The following RNF181 variants were observed in gnomAD, a reference collection of about 807,000 sequenced individuals.
RNF181 encodes E3 ubiquitin-protein ligase RNF181.
RNF181 carries 25 observed loss-of-function variants against 23.3 expected under a neutral mutation model. That is an observed-to-expected ratio of 1.07 (90% CI 0.78 to 1.50). The LOEUF is 1.50. Ranked by LOEUF, RNF181 falls within the 40% of genes most tolerant of loss-of-function variation. The pLI, the probability that RNF181 is intolerant of heterozygous loss-of-function variation, is 0.00. For synonymous variants in RNF181, 62 were observed against 70.9 expected (o/e 0.87, Z 0.63); for missense variants, 167 against 191.1 (o/e 0.87, Z 0.74).
chr2:85,597,068 C>T, intron 3 of RNF181, 36 bp from the exon 4 acceptor site: 1 of 1,614,152 alleles, frequency 6.2e-7, no homozygotes. Flanking sequence ...TTATGAAGAT[C>T]AGACCAAGGC....
chr2:85,597,574 T>C lies in RNF181; in HGVS notation c.*70T>C. Reference sequence around the variant, plus strand: ...CCTTGAATCCTCATTAAAGGTTTCTTTACCCACCCTGAGGCTGTATTGATC... The same window carrying C: ...CCTTGAATCCTCATTAAAGGTTTCTCTACCCACCCTGAGGCTGTATTGATC... On this transcript the variant is annotated 3_prime_UTR_variant, in exon 5 of 5. Transcript: ENST00000306368. The C allele has an allele frequency of 6.2e-7, 1 of 1,601,156 alleles. No homozygotes were observed. Among genetic ancestry groups the C allele is most frequent in the Non-Finnish European group, 8.5e-7 (1 of 1,174,206 alleles).
In RNF181 at chr2:85,597,175, T is replaced by C; in HGVS notation, c.399T>C (p.Asp133=). The stretch of plus-strand genomic sequence containing the variant: ...ACACTTATGAGGAGCACAGACGAGA[T>C]AAGGTAGGGGCTGATGCTTAAGTGG... The part of the protein sequence containing the change: ...DDDTYEEHRR[D]KARKQQQQHR... The change falls in exon 4 of 5, where the codon GAT becomes GAC. Residue 133 remains aspartate, a synonymous_variant. Transcript: ENST00000306368. 6.2e-7 allele frequency: 1 copy of C among 1,612,708 alleles called. No individual in the cohort carries two copies. Among genetic ancestry groups the C allele is most frequent in the Non-Finnish European group, 8.5e-7 (1 of 1,179,136 alleles).
Position 85,596,804 on chromosome 2 carries a change from C to G in RNF181, c.218-18C>G. 6.2e-7 allele frequency: 1 copy of G among 1,612,168 alleles called. No homozygotes were observed. Among genetic ancestry groups the G allele is most frequent in the Non-Finnish European group, 8.5e-7 (1 of 1,178,686 alleles). On this transcript the variant is annotated intron_variant, in intron 2 of 4. Transcript: ENST00000306368. ...CAGAGCCTGTAGCAGCTCTCCTGAT[C>G]AGCACTCCTTCCTAAAGAGCTCAAG...
At chr2:85,596,966 C>G in intron 3 of RNF181, 35 bp downstream of exon 3, 1 of 1,614,124 alleles carries the variant, frequency 6.2e-7, no homozygotes, top group Non-Finnish European at 8.5e-7. Flanking sequence ...TCACCGTGCC[C>G]TGGGCCCAGT....
intron 3 of RNF181, 57 bp downstream of exon 3, chr2:85,596,988 T>G: frequency 6.2e-7 from 1 of 1,614,100 alleles, no homozygotes; most frequent in Non-Finnish European, 8.5e-7. Flanking sequence ...CTCAAGCTTC[T>G]TTCTGTTCAT....
In RNF181 at chr2:85,596,833, C is replaced by T. The variant is rs1342704126; in HGVS notation, c.229C>T (p.Pro77Ser). The T allele has an allele frequency of 6.2e-7, 1 of 1,614,068 alleles. No individual in the cohort carries two copies. Among genetic ancestry groups the T allele is most frequent in the African/African-American group, 1.3e-5 (1 of 74,912 alleles). ...ACTCCTTCCTAAAGAGCTCAAGTGCCCCGTGTGTCTTTTGGAATTTGAGGA... is the reference window on the plus strand; with the variant it reads ...ACTCCTTCCTAAAGAGCTCAAGTGCTCCGTGTGTCTTTTGGAATTTGAGGA... ...IRGSQAELKC[P>S]VCLLEFEEEE... Residue 77 changes from proline to serine, a missense_variant, in exon 3 of 5, where the codon CCC becomes TCC. By Grantham distance (74) the Pro-to-Ser change is moderately conservative. Coordinates refer to ENST00000306368, the MANE Select transcript of RNF181 (RefSeq NM_016494.4).
intron 1 of RNF181, among the ~76,000 whole-genome samples, chr2:85,596,078 G>C (rs529728880): frequency 1.1e-4 from 16 of 152,202 alleles, no homozygotes; most frequent in Non-Finnish European, 1.6e-4. Context: ...ATTGGAGCTG[G>C]AGAGTGGTGG....
rs761806221 is a variant in RNF181, at chr2:85,597,592, T to C, written c.*88T>C. 3 of 1,575,664 alleles carry C rather than the reference T, an allele frequency of 1.9e-6. No individual in the cohort carries two copies. The highest frequency in any genetic ancestry group is 2.6e-6 in the Non-Finnish European group (3 of 1,163,098). On this transcript the variant is annotated 3_prime_UTR_variant, in exon 5 of 5. Transcript: ENST00000306368. Reference sequence around the variant, plus strand: ...GGTTTCTTTACCCACCCTGAGGCTGTATTGATCACAGACCTGGCCAGGGGC... The same window carrying C: ...GGTTTCTTTACCCACCCTGAGGCTGCATTGATCACAGACCTGGCCAGGGGC...
In RNF181 at chr2:85,596,674, A is replaced by G. The variant is rs772221626; in HGVS notation, c.217+25A>G. On this transcript the variant is annotated intron_variant, in intron 2 of 4. Coordinates refer to ENST00000306368, the MANE Select transcript of RNF181 (RefSeq NM_016494.4). The stretch of plus-strand genomic sequence containing the variant: ...GGTGAGGACACTGATTCTTTCTGCT[A>G]TTTGGGCCAGACCCACCCCTTCCCC... 6.2e-6 allele frequency: 10 copies of G among 1,613,114 alleles called. No individual in the cohort carries two copies. In the African/African-American group the frequency reaches 9.4e-5, roughly 15 times the overall value.
At chr2:85,596,769 G>A (rs1573354282) in intron 2 of RNF181, 53 bp from the exon 3 acceptor site, 1 of 1,609,748 alleles carries the variant, frequency 6.2e-7, no homozygotes, top group African/African-American at 1.3e-5. Context: ...AGGAGTGGGA[G>A]CTTGGGAGGC....
chr2:85,597,415 C>G (rs1672699221), intron 4 of RNF181, 30 bp from the exon 5 acceptor site: 1 of 1,591,016 alleles, frequency 6.3e-7, no homozygotes, highest in South Asian at 1.1e-5. Context: ...TCAGTTTTGG[C>G]CCCTGCCCAG....
Position 85,597,086 on chromosome 2 carries a change from C to T in RNF181, c.328-18C>T. On this transcript the variant is annotated intron_variant, in intron 3 of 4. Transcript: ENST00000306368. ...TGAAGATCAGACCAAGGCTAGAACACTACTCTACTTTTCTCAGACAAATTC... is the reference window on the plus strand; with the variant it reads ...TGAAGATCAGACCAAGGCTAGAACATTACTCTACTTTTCTCAGACAAATTC... The T allele has an allele frequency of 6.2e-7, 1 of 1,614,200 alleles. No homozygotes were observed. The highest frequency in any genetic ancestry group is 1.1e-5 in the South Asian group (1 of 91,078).
chr2:85,596,709 TGTG>T (rs757242784), intron 2 of RNF181, 60 bp downstream of exon 2: 2 of 1,612,360 alleles, frequency 1.2e-6, no homozygotes, highest in South Asian at 2.2e-5. Context: ...CAAGCCAGAC[TGTG>T]GTCTGGTCCT....
chr2:85,595,853 G>GGT lies in RNF181; in HGVS notation c.86+6_86+7dup. The GGT allele has an allele frequency of 6.2e-7, 1 of 1,613,448 alleles. No homozygotes were observed. The highest frequency in any genetic ancestry group is 8.5e-7 in the Non-Finnish European group (1 of 1,179,714). On this transcript the variant is annotated splice_donor_region_variant and intron_variant, in intron 1 of 4. Transcript: ENST00000306368. ...ACATGCTGCTGGAGCTCGCAAGGTG[G>GGT]GTGCGCGGGGCTTGGGGATAGGGTC...
rs773394370 is a variant in RNF181, at chr2:85,597,500, C to CGT, written c.460_461dup (p.Ter154CysfsTer22). On this transcript the variant is annotated frameshift_variant, in exon 5 of 5. Coordinates refer to ENST00000306368, the MANE Select transcript of RNF181 (RefSeq NM_016494.4). LOFTEE classifies it high-confidence loss of function. Reference sequence around the variant, plus strand: ...GAGAACCTCCATGGAGCCATGTACACGTGAGGAGGTTGGGGCTGAGTGCTG... The same window carrying CGT: ...GAGAACCTCCATGGAGCCATGTACACGTGTGAGGAGGTTGGGGCTGAGTGCTG... 9.9e-6 allele frequency: 16 copies of CGT among 1,613,608 alleles called. No homozygotes were observed. Among genetic ancestry groups the CGT allele is most frequent in the Middle Eastern group, 3.3e-4 (2 of 6,026 alleles).
chr2:85,597,303 A>C, intron 4 of RNF181, 125 bp downstream of exon 4: 1 of 1,383,124 alleles, frequency 7.2e-7, no homozygotes, highest in Non-Finnish European at 9.9e-7. Context: ...CTGTCTTCTT[A>C]GTGACTTTGA....
chr2:85,596,731 CCAGGT>C, intron 2 of RNF181, 82 bp downstream of exon 2: 1 of 1,612,000 alleles, frequency 6.2e-7, no homozygotes, highest in Non-Finnish European at 8.5e-7. Context: ...CTTCAGTTTT[CCAGGT>C]CAGGTGGGGG....
intron 3 of RNF181, 54 bp downstream of exon 3, chr2:85,596,985 T>G: frequency 1.2e-6 from 2 of 1,614,092 alleles, no homozygotes; most frequent in Non-Finnish European, 1.7e-6. Flanking sequence ...GTACTCAAGC[T>G]TCTTTCTGTT....
chr2:85,596,717 G>C (rs752198773), intron 2 of RNF181, 68 bp downstream of exon 2: 1 of 1,612,940 alleles, frequency 6.2e-7, no homozygotes, highest in South Asian at 1.1e-5. Flanking sequence ...ACTGTGGTCT[G>C]GTCCTTCAGT....
Sources: allele counts gnomAD v4.1 joint callset (sites outside exome capture counted in the v4.1 genomes callset), GRCh38; gene constraint gnomAD v4.1.1; transcripts MANE v1.5; gene names NCBI Gene and HGNC (gene_info 2026-07-23, HGNC 2026-07-21).